Variants in GRM5 observed in about 807,000 individuals in gnomAD.
GRM5 encodes metabotropic glutamate receptor 5.
A neutral mutation model predicts 83.1 loss-of-function variants in GRM5; 19 were observed. The observed-to-expected ratio is 0.23, with a 90% CI of 0.16 to 0.34. GRM5 has a LOEUF of 0.34. Among genes scored for constraint, GRM5 ranks in the 10% least tolerant of loss-of-function variants. The pLI is 1.00. For synonymous variants in GRM5, 675 were observed against 633.6 expected (o/e 1.07, Z -0.98); for missense variants, 1,160 against 1,588.3 (o/e 0.73, Z 4.58).
intron 2 of GRM5, among the ~76,000 whole-genome samples, chr11:88,884,767 G>A (rs975612003): frequency 1.3e-5 from 2 of 152,240 alleles, no homozygotes; most frequent in South Asian, 2.1e-4. Flanking sequence ...TTTTATAAAG[G>A]GGAGTTCCCC....
At chr11:88,933,997 A>G (rs1565298898) in intron 2 of GRM5, among the ~76,000 whole-genome samples, 1 of 151,766 alleles carries the variant, frequency 6.6e-6, no homozygotes, top group Non-Finnish European at 1.5e-5. Context: ...ACAGATAATA[A>G]GATCTGTCTT....
intron 3 of GRM5, among the ~76,000 whole-genome samples, chr11:88,738,529 T>A (rs1941964649): frequency 6.6e-6 from 1 of 152,096 alleles, no homozygotes; most frequent in Non-Finnish European, 1.5e-5. Flanking sequence ...TGATTCTTAA[T>A]CAGTCCATTT....
intron 7 of GRM5, among the ~76,000 whole-genome samples, chr11:88,576,393 G>C (rs867619781): frequency 6.6e-6 from 1 of 152,186 alleles, no homozygotes; most frequent in African/African-American, 2.4e-5. Flanking sequence ...TTTGAGAGGA[G>C]GAGACTGTTT....
chr11:88,967,351 G>C (rs769037737), intron 2 of GRM5, among the ~76,000 whole-genome samples: 141 of 151,370 alleles, frequency 9.3e-4, no homozygotes, highest in Non-Finnish European at 1.6e-3. Flanking sequence ...TAGGGATAGA[G>C]GGATATCTCA....
chr11:88,864,361 A>G (rs1391203003), intron 2 of GRM5, among the ~76,000 whole-genome samples: 1 of 151,874 alleles, frequency 6.6e-6, no homozygotes, highest in Non-Finnish European at 1.5e-5. Context: ...GAAGGATACA[A>G]TAGAGTATTA....
At chr11:88,527,649 A>G (rs1268124899) in intron 8 of GRM5, among the ~76,000 whole-genome samples, 1 of 152,196 alleles carries the variant, frequency 6.6e-6, no homozygotes, top group Non-Finnish European at 1.5e-5. Context: ...GTATATGTTC[A>G]CTGCAGCACT....
At chr11:88,682,553 C>T (rs974076580) in intron 3 of GRM5, among the ~76,000 whole-genome samples, 3 of 152,000 alleles carry the variant, frequency 2.0e-5, no homozygotes, top group East Asian at 2.0e-4. Context: ...TACTCAGCAA[C>T]TGAAACATTT....
chr11:88,659,082 G>T (rs1244508165), intron 3 of GRM5, among the ~76,000 whole-genome samples: 1 of 152,142 alleles, frequency 6.6e-6, no homozygotes, highest in Non-Finnish European at 1.5e-5. Flanking sequence ...TGAATTAAGG[G>T]AGTGGCAGTA....
intron 2 of GRM5, among the ~76,000 whole-genome samples, chr11:89,025,804 C>T (rs1419132159): frequency 3.9e-5 from 6 of 152,114 alleles, no homozygotes; most frequent in African/African-American, 1.2e-4. Context: ...AACAGTACTA[C>T]CATTCAACCC....
chr11:88,904,871 T>C (rs1443355602), intron 2 of GRM5, among the ~76,000 whole-genome samples: 2 of 152,142 alleles, frequency 1.3e-5, no homozygotes, highest in Admixed American at 6.6e-5. Flanking sequence ...TGGAAAAATG[T>C]GTATTGGAAA....
intron 2 of GRM5, among the ~76,000 whole-genome samples, chr11:89,013,134 C>T (rs1381151790): frequency 6.6e-6 from 1 of 152,150 alleles, no homozygotes; most frequent in East Asian, 1.9e-4. Flanking sequence ...TAAGATCAGA[C>T]TTTAAGATAG....
At chr11:88,750,842 T>G (rs1475977791) in intron 3 of GRM5, among the ~76,000 whole-genome samples, 2 of 151,934 alleles carry the variant, frequency 1.3e-5, no homozygotes, top group Non-Finnish European at 2.9e-5. Context: ...AATAATGAAA[T>G]TAAGGCAGAC....
chr11:88,570,571 A>ATATATATATATATTTT (rs1405339448), intron 7 of GRM5, among the ~76,000 whole-genome samples: 6 of 46,376 alleles, frequency 1.3e-4, no homozygotes, highest in African/African-American at 8.0e-4. Context: ...ATATATATAT[A>ATATATATATATATTTT]TTTTTTTTTT....
chr11:88,698,509 AC>A (rs1166616892), intron 3 of GRM5, among the ~76,000 whole-genome samples: 19 of 152,136 alleles, frequency 1.2e-4, no homozygotes, highest in Non-Finnish European at 2.9e-5. Flanking sequence ...GTTTCAGAGA[AC>A]TTGTTACCTT....
At chr11:88,973,348 T>C (rs1437376319) in intron 2 of GRM5, among the ~76,000 whole-genome samples, 3 of 152,112 alleles carry the variant, frequency 2.0e-5, no homozygotes, top group Admixed American at 6.6e-5. Flanking sequence ...ATATAACAAA[T>C]AAGGTTCTTT....
chr11:89,007,073 A>T (rs183693404), intron 2 of GRM5, among the ~76,000 whole-genome samples: 2,704 of 152,318 alleles, frequency 0.018, 82 homozygotes, highest in African/African-American at 0.063. Flanking sequence ...CTGGGATTAC[A>T]GGCGTGAGCC....
Position 88,508,620 on chromosome 11 carries a change from T to A in GRM5, c.3611A>T (p.Asp1204Val). 2 of 1,610,006 alleles carry A rather than the reference T, an allele frequency of 1.2e-6. No individual in the cohort carries two copies. The highest frequency in any genetic ancestry group is 1.7e-6 in the Non-Finnish European group (2 of 1,178,220). Residue 1204 changes from aspartate (D) to valine (V), a missense_variant, in exon 10 of 10, where the codon GAT becomes GTT. By Grantham distance (152) the Asp-to-Val change is radical. Around this residue, in one of 9 missense-constraint regions of GRM5, gnomAD observed 562 missense variants for 532.4 expected, o/e 1.06. Coordinates refer to ENST00000305447, the MANE Select transcript of GRM5 (RefSeq NM_001143831.3). The surrounding 1 kb of genome is among the most constrained non-coding windows in gnomAD (Gnocchi z 4.2). Reference protein sequence around the residue: ...SPKYDTLIIRDYTQSSSSL With the variant: ...SPKYDTLIIRVYTQSSSSL ...CAACGACGAGGAGCTCTGAGTGTAA[T>A]CTCTTATGATAAGAGTGTCATATTT... is the stretch of plus-strand genomic sequence containing the variant.
intron 2 of GRM5, among the ~76,000 whole-genome samples, chr11:88,877,974 G>T (rs1270142688): frequency 6.6e-6 from 1 of 152,076 alleles, no homozygotes; most frequent in Non-Finnish European, 1.5e-5. Flanking sequence ...CCTGCACATT[G>T]TGCTCATGTA....
chr11:88,771,370 A>G (rs1245051702), intron 3 of GRM5, among the ~76,000 whole-genome samples: 1 of 152,114 alleles, frequency 6.6e-6, no homozygotes, highest in African/African-American at 2.4e-5. Flanking sequence ...AAAGTACGGA[A>G]ACTGACAATG....
Sources: allele counts gnomAD v4.1 joint callset (sites outside exome capture counted in the v4.1 genomes callset), GRCh38; gene constraint gnomAD v4.1.1; regional missense constraint gnomAD v4.1.1; non-coding constraint Gnocchi (gnomAD v3.1); transcripts MANE v1.5; gene names NCBI Gene and HGNC (gene_info 2026-07-23, HGNC 2026-07-21).